Variants in RAB23 observed in about 807,000 individuals in gnomAD.
The protein encoded by RAB23 is RAB23, member RAS oncogene family.
A neutral mutation model predicts 30.0 loss-of-function variants in RAB23; 15 were observed. That is an observed-to-expected ratio of 0.50 (90% confidence interval 0.33 to 0.77). RAB23 has a LOEUF of 0.77. Ranked by LOEUF, RAB23 falls within the 30% of genes least tolerant of loss-of-function variation. The pLI, the probability that RAB23 is intolerant of heterozygous loss-of-function variation, is 0.02. For missense variants in RAB23, 243 were observed against 275.4 expected, an observed-to-expected ratio of 0.88 and a Z score of 0.83; for synonymous variants, 93 against 94.0, an observed-to-expected ratio of 0.99 and a Z score of 0.06.
chr6:57,213,451 A>G (rs1252687453), intron 1 of RAB23, among the ~76,000 whole-genome samples: 1 of 152,128 alleles, frequency 6.6e-6, no homozygotes, highest in African/African-American at 2.4e-5. Flanking sequence ...GCTGTATCTC[A>G]CACTGGTTCA....
Position 57,194,821 on chromosome 6 carries a change from T to G in RAB23, c.430A>C (p.Lys144Gln). 1 of 1,613,516 alleles carries G rather than the reference T, an allele frequency of 6.2e-7. No homozygotes were observed. Among genetic ancestry groups the G allele is most frequent in the Admixed American group, 1.7e-5 (1 of 60,006 alleles). ...ACTGATGTTCTGTAGAATCTTAACTTTAACCTTTTTGCCAGTGCCTCAGCT... is the reference window on the plus strand; with the variant it reads ...ACTGATGTTCTGTAGAATCTTAACTGTAACCTTTTTGCCAGTGCCTCAGCT... ...EEAEALAKRL[K>Q]LRFYRTSVKE... Residue 144 changes from lysine (K) to glutamine (Q), a missense_variant, in exon 5 of 7, where the codon AAG (lysine) becomes CAG (glutamine). Coordinates refer to ENST00000468148, the MANE Select transcript of RAB23 (RefSeq NM_016277.5).
intron 1 of RAB23, among the ~76,000 whole-genome samples, chr6:57,220,742 T>C (rs952591589): frequency 1.3e-5 from 2 of 152,202 alleles, no homozygotes; most frequent in African/African-American, 4.8e-5. Context: ...TTAGGTTTTT[T>C]TTCTGTGGCG....
chr6:57,208,463 A>G lies in RAB23; in HGVS notation c.156-750T>C, dbSNP rs191164935. ...GGAGTTCAGTACCAGCCTGGCCAAC[A>G]TGGCGAAACCCTGTCTCTACCAAAA... On this transcript the variant is annotated intron_variant, in intron 2 of 6. Coordinates refer to ENST00000468148, the MANE Select transcript of RAB23 (RefSeq NM_016277.5). 5.9e-5 allele frequency among the ~76,000 whole-genome samples: 9 copies of G among 152,148 alleles called. No individual in the cohort carries two copies. The East Asian group carries it at 1.7e-3, about 29-fold the overall frequency.
chr6:57,206,608 G>A (rs1251693403), intron 3 of RAB23, among the ~76,000 whole-genome samples: 2 of 152,096 alleles, frequency 1.3e-5, no homozygotes, highest in African/African-American at 4.8e-5. Flanking sequence ...GACTTTCAAG[G>A]TGCCGAGGTT....
chr6:57,218,137 C>T (rs1765916640), intron 1 of RAB23, among the ~76,000 whole-genome samples: 1 of 152,138 alleles, frequency 6.6e-6, no homozygotes, highest in Non-Finnish European at 1.5e-5. Context: ...AAGAATCCTA[C>T]TAAACATTTA....
In RAB23 at chr6:57,212,780, G is replaced by A. The variant is rs934998409; in HGVS notation, c.-65-2335C>T. Among the ~76,000 whole-genome samples, 60 of 151,784 alleles carry A rather than the reference G, an allele frequency of 4.0e-4. 1 individual carries two copies. The highest frequency in any genetic ancestry group is 2.5e-4 in the Non-Finnish European group (17 of 67,970). On this transcript the variant is annotated intron_variant, in intron 1 of 6. Transcript: ENST00000468148. ...CGTGAGCCTGTAGTCCCAGCTACTC[G>A]GGAAGCTAAGGCAGGATTGTTTGAG... is the stretch of plus-strand genomic sequence containing the variant.
intron 1 of RAB23, among the ~76,000 whole-genome samples, chr6:57,213,016 A>T (rs806386): frequency 0.96 from 145,408 of 152,194 alleles, 69,500 homozygotes; most frequent in East Asian, 1. Flanking sequence ...GGAAGACAAC[A>T]TCCACAGATG....
intron 1 of RAB23, among the ~76,000 whole-genome samples, chr6:57,219,433 A>T (rs1178976649): frequency 6.6e-6 from 1 of 152,246 alleles, no homozygotes; most frequent in Non-Finnish European, 1.5e-5. Context: ...TACAATTTCA[A>T]TCAAAGCACC....
chr6:57,201,518 C>G (rs538320022), intron 3 of RAB23, among the ~76,000 whole-genome samples: 2 of 152,182 alleles, frequency 1.3e-5, no homozygotes, highest in Non-Finnish European at 1.5e-5. Context: ...CAGTTTACTG[C>G]TCTTAGCTCA....
At chr6:57,192,013 TC>T (rs942644685) in intron 6 of RAB23, among the ~76,000 whole-genome samples, 5 of 151,698 alleles carry the variant, frequency 3.3e-5, no homozygotes, top group African/African-American at 9.7e-5. Context: ...AGCTAATTTT[TC>T]TTTTTTTTTT....
chr6:57,217,089 G>A (rs1765868527), intron 1 of RAB23, among the ~76,000 whole-genome samples: 1 of 151,652 alleles, frequency 6.6e-6, no homozygotes, highest in East Asian at 1.9e-4. Flanking sequence ...TATGTTCACT[G>A]ATCACAATGG....
intron 3 of RAB23, among the ~76,000 whole-genome samples, chr6:57,200,673 G>A (rs539826270): frequency 1.8e-4 from 27 of 152,014 alleles, no homozygotes; most frequent in Non-Finnish European, 3.7e-4. Context: ...AAGAATGGAT[G>A]CTGACAAGAC....
intron 3 of RAB23, among the ~76,000 whole-genome samples, chr6:57,201,539 A>T (rs1216085829): frequency 2.0e-5 from 3 of 152,198 alleles, no homozygotes; most frequent in Non-Finnish European, 4.4e-5. Context: ...TATTTGTCCT[A>T]TCACATTCTT....
At chr6:57,200,536 C>CAA (rs989178921) in intron 3 of RAB23, among the ~76,000 whole-genome samples, 1,981 of 41,088 alleles carry the variant, frequency 0.048, 94 homozygotes, top group East Asian at 0.14. Flanking sequence ...GACTCTGTCT[C>CAA]AAAAAAAAAA....
At chr6:57,210,172 C>A in intron 2 of RAB23, 54 bp downstream of exon 2, 2 of 1,565,666 alleles carry the variant, frequency 1.3e-6, no homozygotes, top group South Asian at 1.1e-5. Flanking sequence ...TCCAATGAGT[C>A]TTGGATATAG....
At chr6:57,216,191 T>C (rs1765828971) in intron 1 of RAB23, among the ~76,000 whole-genome samples, 2 of 152,234 alleles carry the variant, frequency 1.3e-5, no homozygotes, top group Admixed American at 6.5e-5. Flanking sequence ...GCATACAGCC[T>C]AGATGTGTAG....
At chr6:57,190,928 C>G (rs1185059393) in intron 6 of RAB23, among the ~76,000 whole-genome samples, 3 of 152,144 alleles carry the variant, frequency 2.0e-5, no homozygotes, top group Non-Finnish European at 4.4e-5. Flanking sequence ...TATCTTCTGT[C>G]TCTTATGATT....
At chr6:57,212,551 C>G (rs1258423040) in intron 1 of RAB23, among the ~76,000 whole-genome samples, 1 of 152,040 alleles carries the variant, frequency 6.6e-6, no homozygotes, top group African/African-American at 2.4e-5. Flanking sequence ...TAGTGATTCT[C>G]AATTTTGGCT....
intron 2 of RAB23, among the ~76,000 whole-genome samples, chr6:57,208,518 A>G (rs1394213527): frequency 1.3e-5 from 2 of 149,708 alleles, no homozygotes; most frequent in African/African-American, 4.9e-5. Flanking sequence ...GTGGTGGTGC[A>G]TGCCTGTAGT....
Sources: gnomAD v4.1 joint callset for allele counts (sites outside exome capture counted in the v4.1 genomes callset) on GRCh38, gnomAD v4.1.1 for gene constraint, MANE v1.5 for transcripts, NCBI Gene and HGNC (gene_info 2026-07-23, HGNC 2026-07-21) for gene names.